DCST2: variants seen among roughly 807,000 people sequenced by gnomAD.
DCST2 encodes the protein DC-STAMP domain containing 2, also known as DC-STAMP domain-containing protein 2.
In DCST2, 64 loss-of-function variants were observed where a neutral mutation model predicts 81.8. The ratio of observed to expected loss-of-function variants is 0.78; its 90% CI spans 0.64 to 0.96. DCST2 has a LOEUF of 0.96. Among genes scored for constraint, DCST2 ranks in the 40% least tolerant of loss-of-function variants. The probability of loss-of-function intolerance (pLI) is 0.00; values close to 1 mark genes in which losing one functional copy is unlikely to be tolerated. For missense variants in DCST2, 945 were observed against 1,001.4 expected (o/e 0.94, Z 0.76); for synonymous variants, 354 against 402.6 (o/e 0.88, Z 1.44).
chr1:155,024,632 C>T, intron 10 of DCST2, 30 bp from the exon 11 acceptor site: 1 of 1,559,094 alleles, frequency 6.4e-7, no homozygotes, highest in Non-Finnish European at 8.7e-7. Context: ...GATGGGGTCC[C>T]ACTTGACCCT....
At position 155,020,344 on chromosome 1, in the gene DCST2, G is replaced by A. The variant is rs997110550; in HGVS notation, c.2106-1584C>T. 3.9e-5 allele frequency among the ~76,000 whole-genome samples: 6 copies of A among 152,212 alleles called. No homozygotes were observed. The South Asian group carries it at 1.2e-3, about 32-fold the overall frequency. On this transcript the variant is annotated intron_variant, in intron 14 of 14. Coordinates refer to ENST00000368424, the MANE Select transcript of DCST2 (RefSeq NM_144622.3). ...AACTCCTGGCAACAGTGATGCAGGA[G>A]CCACATACCATATTTCTGAGTCCTT...
intron 8 of DCST2, among the ~76,000 whole-genome samples, chr1:155,027,510 T>C (rs1428053266): frequency 6.6e-6 from 1 of 151,340 alleles, no homozygotes; most frequent in Non-Finnish European, 1.5e-5. Flanking sequence ...GCTTTATTGT[T>C]TGTTTTGGGG....
intron 4 of DCST2, 57 bp downstream of exon 4, chr1:155,031,517 C>T: frequency 1.4e-5 from 8 of 581,286 alleles, no homozygotes; most frequent in South Asian, 2.9e-5. Context: ...CCCCACATTC[C>T]CACCCCACCC....
At chr1:155,025,036 A>C (rs1336270010) in intron 10 of DCST2, among the ~76,000 whole-genome samples, 2 of 151,312 alleles carry the variant, frequency 1.3e-5, no homozygotes. Flanking sequence ...AATCCCAGCT[A>C]CTCGGGAGGC....
In DCST2 at chr1:155,033,729, C is replaced by A; in HGVS notation, c.-28G>T. On this transcript the variant is annotated 5_prime_UTR_variant, in exon 1 of 15. Coordinates refer to ENST00000368424, the MANE Select transcript of DCST2 (RefSeq NM_144622.3). ...CTGCTGAGACCAAATGTCTGCCTGT[C>A]TCCAGGAGATGCCCGCTGACTTCTG... 6.2e-7 allele frequency: 1 copy of A among 1,601,594 alleles called. No homozygotes were observed. Among genetic ancestry groups the A allele is most frequent in the Non-Finnish European group, 8.5e-7 (1 of 1,172,382 alleles).
At position 155,025,656 on chromosome 1, in the gene DCST2, C is replaced by T. The variant is rs58035227; in HGVS notation, c.1611+646G>A. Among the ~76,000 whole-genome samples the T allele has an allele frequency of 2.8e-3, 419 of 152,008 alleles. 1 individual carries two copies. Among genetic ancestry groups the T allele is most frequent in the African/African-American group, 9.8e-3 (405 of 41,452 alleles). On this transcript the variant is annotated intron_variant, in intron 10 of 14. Coordinates refer to ENST00000368424, the MANE Select transcript of DCST2 (RefSeq NM_144622.3). The stretch of plus-strand genomic sequence containing the variant: ...TGGTGAGTTTTTAATTACACCTCAA[C>T]ATGCCAACACTGCCCCCACCTCACC...
At position 155,033,093 on chromosome 1, in the gene DCST2, C is replaced by A. The variant is rs1660150390; in HGVS notation, c.439+1G>T. 1 of 1,564,106 alleles carries A rather than the reference C, an allele frequency of 6.4e-7. No individual in the cohort carries two copies. The highest frequency in any genetic ancestry group is 8.7e-7 in the Non-Finnish European group (1 of 1,155,196). On this transcript the variant is annotated splice_donor_variant, in intron 2 of 14. Coordinates refer to ENST00000368424, the MANE Select transcript of DCST2 (RefSeq NM_144622.3). LOFTEE classifies it high-confidence loss of function. Reference sequence around the variant, plus strand: ...GACAGTGGTAGAGGTGGGGGACTTACTGACAAGAGGTTGCTTGGCCCTCTG... The same window carrying A: ...GACAGTGGTAGAGGTGGGGGACTTAATGACAAGAGGTTGCTTGGCCCTCTG...
In DCST2 at chr1:155,023,902, C is replaced by T. The variant is rs1176877886; in HGVS notation, c.1800G>A (p.Leu600=). 1.2e-6 allele frequency: 2 copies of T among 1,613,676 alleles called. No individual in the cohort carries two copies. Among genetic ancestry groups the T allele is most frequent in the Non-Finnish European group, 1.7e-6 (2 of 1,179,892 alleles). Residue 600 remains leucine (L), a synonymous_variant, in exon 12 of 15, where the codon CTG becomes CTA. Coordinates refer to ENST00000368424, the MANE Select transcript of DCST2 (RefSeq NM_144622.3). The stretch of plus-strand genomic sequence containing the variant: ...CCTCATCCTGGGGCTGCCCACAGCC[C>T]AGGCAGTAGGCCTGATGCAGCCAAA... ...SHFWLHQAYC[L]GCGQPQDEGD... is the part of the protein sequence containing the mutation.
chr1:155,031,745 A>G lies in DCST2; in HGVS notation c.568T>C (p.Trp190Arg). 1 of 1,614,068 alleles carries G rather than the reference A, an allele frequency of 6.2e-7. No individual in the cohort carries two copies. The highest frequency in any genetic ancestry group is 2.2e-5 in the East Asian group (1 of 44,868). ...CACACATCGCCGATGTGCAGGAGCC[A>G]CTGCCACACATTCCGGAGAGCCCTG... ...IARALRNVWQ[W>R]LLHIGDVCNS... The change falls in exon 4 of 15, where the codon TGG becomes CGG. Residue 190 changes from tryptophan to arginine, a missense_variant. Trp to Arg is a moderately radical substitution (Grantham distance 101, BLOSUM62 -3). Transcript: ENST00000368424.
At position 155,032,632 on chromosome 1, in the gene DCST2, T is replaced by G. The variant is rs113220679; in HGVS notation, c.541+35A>C. The stretch of plus-strand genomic sequence containing the variant: ...GCACCCGGCCAGGACTGGGTGCATT[T>G]TGAGTCCCCGGGATAGACATGCTAA... On this transcript the variant is annotated intron_variant, in intron 3 of 14. Coordinates refer to ENST00000368424, the MANE Select transcript of DCST2 (RefSeq NM_144622.3). 8 of 1,597,956 alleles carry G rather than the reference T, an allele frequency of 5.0e-6. No individual in the cohort carries two copies. The African/African-American group carries it at 6.7e-5, about 13-fold the overall frequency.
chr1:155,032,841 C>A, intron 2 of DCST2, 73 bp from the exon 3 acceptor site: 1 of 1,412,316 alleles, frequency 7.1e-7, no homozygotes, highest in South Asian at 1.2e-5. Flanking sequence ...GCCCCTTAAG[C>A]AGGGAGTAGA....
chr1:155,026,777 C>T, intron 8 of DCST2, 62 bp from the exon 9 acceptor site: 18 of 1,594,584 alleles, frequency 1.1e-5, no homozygotes, highest in Non-Finnish European at 1.5e-5. Context: ...AACCCCACAC[C>T]TTCTGGAATG....
chr1:155,028,556 C>A lies in DCST2; in HGVS notation c.1342+677G>T, dbSNP rs1659977766. Among the ~76,000 whole-genome samples the A allele has an allele frequency of 3.3e-5, 5 of 151,296 alleles. No homozygotes were observed. The South Asian group carries it at 1.0e-3, about 32-fold the overall frequency. On this transcript the variant is annotated intron_variant, in intron 8 of 14. Transcript: ENST00000368424. Reference sequence around the variant, plus strand: ...CCAAGATTGCACCACTGCACTCCAGCCTGGGTGACAGAGTGAGACTCCATC... The same window carrying A: ...CCAAGATTGCACCACTGCACTCCAGACTGGGTGACAGAGTGAGACTCCATC...
intron 14 of DCST2, among the ~76,000 whole-genome samples, chr1:155,021,031 CCTCT>C (rs1659739932): frequency 2.0e-5 from 3 of 151,798 alleles, no homozygotes; most frequent in South Asian, 4.2e-4. Flanking sequence ...ACCAATCCTC[CCTCT>C]GTCACCCAGG....
Position 155,026,730 on chromosome 1 carries a change from CTG to C in DCST2, c.1343-17_1343-16del. The C allele has an allele frequency of 3.7e-6, 6 of 1,613,920 alleles. No homozygotes were observed. Among genetic ancestry groups the C allele is most frequent in the Non-Finnish European group, 5.1e-6 (6 of 1,179,864 alleles). ...CAACACAGGACCTGGCACAAAGACA[CTG>C]TGTGAGTGACACTCATGGCAGTTGC... On this transcript the variant is annotated splice_polypyrimidine_tract_variant and intron_variant, in intron 8 of 14. Transcript: ENST00000368424.
In DCST2 at chr1:155,029,427, G is replaced by T. The variant is rs764739999; in HGVS notation, c.1178-30C>A. On this transcript the variant is annotated intron_variant, in intron 7 of 14. Transcript: ENST00000368424. The stretch of plus-strand genomic sequence containing the variant: ...GCAGGAGTGGGATGGTCAGGAGGAT[G>T]CTCCCCAGTTCTCCCGTCCACCAGA... 13 of 1,607,390 alleles carry T rather than the reference G, an allele frequency of 8.1e-6. No individual in the cohort carries two copies. In the Admixed American group the frequency reaches 1.7e-4, roughly 21 times the overall value.
intron 4 of DCST2, 55 bp downstream of exon 4, chr1:155,031,519 A>ACCCCCCCCCCCC: frequency 7.3e-6 from 3 of 412,712 alleles, no homozygotes; most frequent in South Asian, 4.7e-5. Context: ...CCACATTCCC[A>ACCCCCCCCCCCC]CCCCACCCCA....
chr1:155,027,753 A>G (rs1659954834), intron 8 of DCST2, among the ~76,000 whole-genome samples: 1 of 145,828 alleles, frequency 6.9e-6, no homozygotes, highest in Non-Finnish European at 1.5e-5. Context: ...AGTAGAGACA[A>G]GGTTTCACCA....
intron 1 of DCST2, 58 bp downstream of exon 1, chr1:155,033,376 T>C: frequency 6.3e-7 from 1 of 1,593,966 alleles, no homozygotes; most frequent in South Asian, 1.1e-5. Context: ...CTCCAGCATC[T>C]CTTCTGCCCC....
Sources: gnomAD v4.1 joint callset for allele counts (sites outside exome capture counted in the v4.1 genomes callset) on GRCh38, gnomAD v4.1.1 for gene constraint, MANE v1.5 for transcripts, NCBI Gene and HGNC (gene_info 2026-07-23, HGNC 2026-07-21) for gene names.